RAPGEF1: variants seen among roughly 807,000 people sequenced by gnomAD.
RAPGEF1 encodes the protein Rap guanine nucleotide exchange factor 1.
A neutral mutation model predicts 143.3 loss-of-function variants in RAPGEF1; 33 were observed. The ratio of observed to expected loss-of-function variants is 0.23; its 90% CI spans 0.17 to 0.31. The LOEUF is 0.31. RAPGEF1 is among the 10% of genes least tolerant of loss of function. RAPGEF1 has a pLI of 1.00. For synonymous variants in RAPGEF1, 629 were observed against 676.5 expected, an observed-to-expected ratio of 0.93 and a Z score of 1.09; for missense variants, 1,199 against 1,645.4, an observed-to-expected ratio of 0.73 and a Z score of 4.69.
Position 131,739,831 on chromosome 9 carries a change from CG to C in RAPGEF1, c.-2del. ...GCCGGAGGCCGAGGCCGCCGCTCAT[CG>C]GGCCCGGGCCGGGCCGCCGCGGGGC... On this transcript the variant is annotated 5_prime_UTR_variant, in exon 1 of 27. Transcript: ENST00000683357. 9.5e-7 allele frequency: 1 copy of C among 1,049,782 alleles called. No individual in the cohort carries two copies. Among genetic ancestry groups the C allele is most frequent in the South Asian group, 3.4e-5 (1 of 29,824 alleles). 65.0% of individuals were successfully genotyped at this position (1,049,782 alleles called of 1,614,324 possible).
intron 3 of RAPGEF1, among the ~76,000 whole-genome samples, chr9:131,644,173 C>T (rs1968871690): frequency 6.6e-6 from 1 of 152,188 alleles, no homozygotes; most frequent in Non-Finnish European, 1.5e-5. Flanking sequence ...CTGCGCTTTC[C>T]AGTGTTTAAG....
chr9:131,631,502 C>T (rs897776308), intron 5 of RAPGEF1, among the ~76,000 whole-genome samples: 1 of 152,276 alleles, frequency 6.6e-6, no homozygotes, highest in Non-Finnish European at 1.5e-5. Context: ...CTTCTCCCTC[C>T]ACCTTCCTGT....
At position 131,588,045 on chromosome 9, in the gene RAPGEF1, AG is replaced by A. The variant is rs1477180403; in HGVS notation, c.3054-20del. On this transcript the variant is annotated intron_variant, in intron 20 of 26. Coordinates refer to ENST00000683357, the MANE Select transcript of RAPGEF1 (RefSeq NM_001377935.1). ...CCCCGGCCTGGAAGACAGAGGTGTG[AG>A]AAGAGCCGTCAGGGGTGGGGAGGCC... 1 of 1,604,162 alleles carries A rather than the reference AG, an allele frequency of 6.2e-7. No homozygotes were observed. The highest frequency in any genetic ancestry group is 1.3e-5 in the African/African-American group (1 of 74,740).
intron 1 of RAPGEF1, among the ~76,000 whole-genome samples, chr9:131,674,834 G>A (rs911677202): frequency 2.4e-4 from 37 of 152,298 alleles, no homozygotes; most frequent in African/African-American, 7.2e-4. Context: ...GTGGAGGCGC[G>A]GGGAGGGCAG....
intron 1 of RAPGEF1, chr9:131,725,075 C>T (rs1014474609): frequency 6.6e-6 from 1 of 152,234 alleles, no homozygotes; most frequent in Non-Finnish European, 1.5e-5. Flanking sequence ...AACAGCCATC[C>T]TCATGGGTGT....
chr9:131,712,546 G>A (rs142703431), intron 1 of RAPGEF1, among the ~76,000 whole-genome samples: 10 of 152,252 alleles, frequency 6.6e-5, no homozygotes, highest in Non-Finnish European at 1.3e-4. Context: ...TCAGGAGTGC[G>A]AAGCCCCTGA....
intron 1 of RAPGEF1, among the ~76,000 whole-genome samples, chr9:131,736,815 G>A (rs536723518): frequency 6.6e-6 from 1 of 152,266 alleles, no homozygotes; most frequent in African/African-American, 2.4e-5. Context: ...GTTGCTTTGA[G>A]ATAACAAAAC....
intron 1 of RAPGEF1, among the ~76,000 whole-genome samples, chr9:131,676,035 G>A (rs143245642): frequency 1.5e-3 from 232 of 152,194 alleles, no homozygotes; most frequent in African/African-American, 5.1e-3. Context: ...TCAAAGTGCT[G>A]GGATTATAGG....
intron 22 of RAPGEF1, 127 bp downstream of exon 22, chr9:131,587,609 G>A (rs918156698): frequency 3.4e-6 from 3 of 870,766 alleles, no homozygotes; most frequent in Non-Finnish European, 3.6e-6. Context: ...GAACCCCCAG[G>A]AGCTTAGCGG....
At position 131,685,049 on chromosome 9, in the gene RAPGEF1, C is replaced by A. The variant is rs564803858; in HGVS notation, c.62-34100G>T. Among the ~76,000 whole-genome samples the A allele has an allele frequency of 2.6e-5, 4 of 152,244 alleles. No individual in the cohort carries two copies. The South Asian group carries it at 6.2e-4, about 24-fold the overall frequency. On this transcript the variant is annotated intron_variant, in intron 1 of 26. Coordinates refer to ENST00000683357, the MANE Select transcript of RAPGEF1 (RefSeq NM_001377935.1). ...ATGGTAGCTATGATAGAGGTTATCA[C>A]CACTGCCGTGAGTATTCCTTCAACA...
At chr9:131,596,492 C>T (rs1266198950) in intron 16 of RAPGEF1, 119 bp from the exon 17 acceptor site, 1 of 986,810 alleles carries the variant, frequency 1.0e-6, no homozygotes, top group Non-Finnish European at 1.6e-6. Context: ...GTCCCCTCTC[C>T]TTCTGTGCTC....
intron 12 of RAPGEF1, among the ~76,000 whole-genome samples, chr9:131,614,427 C>G (rs1198573269): frequency 1.3e-5 from 2 of 152,250 alleles, no homozygotes; most frequent in Non-Finnish European, 1.5e-5. Flanking sequence ...CTCCTTCTCT[C>G]TCTATCTCTC....
In RAPGEF1 at chr9:131,582,686, C is replaced by G; in HGVS notation, c.3431G>C (p.Cys1144Ser). ...KQTSEGLAEY[C>S]TLIDSSSSFR... ...GGAGGACGAGCTGTCGATCAGTGTG[C>G]AGTACTCGGCCAGGCCCTGGCAGGA... The change falls in exon 25 of 27, where the codon TGC becomes TCC. Residue 1144 changes from cysteine to serine, a missense_variant. Transcript: ENST00000683357. 6.4e-7 allele frequency: 1 copy of G among 1,556,194 alleles called. No homozygotes were observed. The highest frequency in any genetic ancestry group is 8.6e-7 in the Non-Finnish European group (1 of 1,157,158).
At chr9:131,616,742 T>G (rs535876982) in intron 12 of RAPGEF1, among the ~76,000 whole-genome samples, 1 of 152,298 alleles carries the variant, frequency 6.6e-6, no homozygotes, top group East Asian at 1.9e-4. Flanking sequence ...GAGCAATGAA[T>G]GAAGAAAGTC....
chr9:131,644,289 G>C (rs994125975), intron 3 of RAPGEF1, among the ~76,000 whole-genome samples: 2 of 151,826 alleles, frequency 1.3e-5, no homozygotes, highest in East Asian at 3.9e-4. Context: ...TACTTGCCCT[G>C]ATGTCAATGA....
rs554059766 is a variant in RAPGEF1, at chr9:131,667,513, G to A, written c.62-16564C>T. ...CAAGAAATGTCACTGTGCAAGGTCT[G>A]GTGATGGAATGCATGGAAAAAGAGG... On this transcript the variant is annotated intron_variant, in intron 1 of 26. Transcript: ENST00000683357. The surrounding 1 kb of genome is among the most constrained non-coding windows in gnomAD (Gnocchi z 4.6). 7.2e-5 allele frequency among the ~76,000 whole-genome samples: 11 copies of A among 152,188 alleles called. No individual in the cohort carries two copies. Among genetic ancestry groups the A allele is most frequent in the Non-Finnish European group, 1.5e-4 (10 of 68,026 alleles).
intron 1 of RAPGEF1, among the ~76,000 whole-genome samples, chr9:131,685,324 TCTGGCCATAAACTGGCCCCAAAA>T: frequency 1.3e-5 from 2 of 152,280 alleles, no homozygotes; most frequent in East Asian, 3.9e-4. Context: ...CCCCCCAAAA[TCTGGCCATAAACTGGCCCCAAAA>T]CTGGCCATAA....
intron 1 of RAPGEF1, among the ~76,000 whole-genome samples, chr9:131,694,372 GA>G (rs1833988556): frequency 6.6e-6 from 1 of 152,216 alleles, no homozygotes; most frequent in South Asian, 2.1e-4. Context: ...TGGAAGAGCT[GA>G]AGAGCTGAAC....
chr9:131,581,758 GC>G (rs1361833469), intron 25 of RAPGEF1, among the ~76,000 whole-genome samples: 1 of 152,150 alleles, frequency 6.6e-6, no homozygotes, highest in African/African-American at 2.4e-5. Flanking sequence ...GCTTCTGACT[GC>G]AGAGGACTTA....
Sources: allele counts gnomAD v4.1 joint callset (sites outside exome capture counted in the v4.1 genomes callset), GRCh38; gene constraint gnomAD v4.1.1; non-coding constraint Gnocchi (gnomAD v3.1); transcripts MANE v1.5; gene names NCBI Gene and HGNC (gene_info 2026-07-23, HGNC 2026-07-21).